Variants in LYAR observed in about 807,000 individuals in gnomAD.
LYAR encodes the protein cell growth-regulating nucleolar protein.
A neutral mutation model predicts 45.2 loss-of-function variants in LYAR; 37 were observed. The ratio of observed to expected loss-of-function variants is 0.82; its 90% CI spans 0.63 to 1.08. The LOEUF is 1.08. Among genes scored for constraint, LYAR ranks in the 50% least tolerant of loss-of-function variants. LYAR has a pLI of 0.00. For missense variants in LYAR, 493 were observed against 451.0 expected (o/e 1.09, Z -0.84); for synonymous variants, 176 against 155.1 (o/e 1.14, Z -1.00).
chr4:4,283,451 G>A (rs1338432509), intron 3 of LYAR, among the ~76,000 whole-genome samples, 170 bp downstream of exon 3: 6 of 152,230 alleles, frequency 3.9e-5, no homozygotes, highest in East Asian at 1.9e-4. Context: ...GCCCGGCCTA[G>A]TAAAGCACAT....
rs1257695451 is a variant in LYAR, at chr4:4,267,862, G to A, written c.*27C>T. On this transcript the variant is annotated 3_prime_UTR_variant, in exon 10 of 10. Transcript: ENST00000343470. ...AGTGAAAGGAAGAAGTCAGCAGAAT[G>A]GATTCAATTTTTAAATACACAAATG... The A allele has an allele frequency of 6.3e-7, 1 of 1,581,434 alleles. No individual in the cohort carries two copies. The highest frequency in any genetic ancestry group is 8.6e-7 in the Non-Finnish European group (1 of 1,163,580).
intron 1 of LYAR, among the ~76,000 whole-genome samples, chr4:4,288,278 C>T (rs1202801434): frequency 6.6e-6 from 1 of 152,096 alleles, no homozygotes; most frequent in African/African-American, 2.4e-5. Flanking sequence ...CCAGCCCCCT[C>T]CTAAACCCAT....
intron 7 of LYAR, 119 bp downstream of exon 7, chr4:4,274,245 CAAA>C (rs200119744): frequency 1.1e-5 from 11 of 1,001,782 alleles, no homozygotes; most frequent in Admixed American, 2.7e-5. Context: ...TCAAAAAAAA[CAAA>C]AAAAAAAAAA....
At chr4:4,283,278 G>T (rs1371676320) in intron 3 of LYAR, among the ~76,000 whole-genome samples, 1 of 152,150 alleles carries the variant, frequency 6.6e-6, no homozygotes, top group Non-Finnish European at 1.5e-5. Flanking sequence ...AGCCTCCCGA[G>T]TAGCTGGGAT....
At chr4:4,273,498 C>G in intron 8 of LYAR, 85 bp downstream of exon 8, 3 of 940,568 alleles carry the variant, frequency 3.2e-6, no homozygotes, top group Non-Finnish European at 5.1e-6. Flanking sequence ...AAGTGACCCT[C>G]CTGCCCCTGC....
rs1346101362 is a variant in LYAR, at chr4:4,269,503, G to A, written c.920-888C>T. Among the ~76,000 whole-genome samples, 5 of 152,242 alleles carry A rather than the reference G, an allele frequency of 3.3e-5. No individual in the cohort carries two copies. In the South Asian group the frequency reaches 8.3e-4, roughly 25 times the overall value. On this transcript the variant is annotated intron_variant, in intron 8 of 9. Transcript: ENST00000343470. The stretch of plus-strand genomic sequence containing the variant: ...TTCAGGGGTCTCATCCACACAGGCC[G>A]GTCATGAGGCTGCCCCTGCTGTGAT...
At chr4:4,272,036 T>A (rs906881302) in intron 8 of LYAR, among the ~76,000 whole-genome samples, 1 of 149,674 alleles carries the variant, frequency 6.7e-6, no homozygotes, top group East Asian at 2.0e-4. Context: ...ATTCCAGAAA[T>A]GAAGAACAGA....
intron 3 of LYAR, 57 bp from the exon 4 acceptor site, chr4:4,281,954 T>C (rs997199734): frequency 1.2e-5 from 12 of 1,037,658 alleles, no homozygotes; most frequent in Non-Finnish European, 1.7e-5. Context: ...GAGGCGCTAA[T>C]ACCAGCATGC....
intron 6 of LYAR, among the ~76,000 whole-genome samples, chr4:4,275,547 C>A (rs1719144072): frequency 6.6e-6 from 1 of 150,706 alleles, no homozygotes; most frequent in African/African-American, 2.4e-5. Context: ...CAGACTCAGG[C>A]AACACGCCTG....
intron 6 of LYAR, 140 bp from the exon 7 acceptor site, chr4:4,274,909 C>T (rs1259170003): frequency 1.4e-6 from 1 of 734,564 alleles, no homozygotes; most frequent in Non-Finnish European, 2.2e-6. Context: ...TAACTGTGAC[C>T]CCCACCAACA....
intron 6 of LYAR, among the ~76,000 whole-genome samples, chr4:4,276,200 C>T (rs941946093): frequency 1.3e-5 from 2 of 152,092 alleles, no homozygotes; most frequent in African/African-American, 4.8e-5. Flanking sequence ...TGAGAAACCA[C>T]TGAGCTGATG....
At chr4:4,283,050 A>C (rs1426580663) in intron 3 of LYAR, among the ~76,000 whole-genome samples, 1 of 152,218 alleles carries the variant, frequency 6.6e-6, no homozygotes, top group Non-Finnish European at 1.5e-5. Context: ...ATGCAATAGC[A>C]ACCAGTGTCA....
chr4:4,268,085 G>A, intron 9 of LYAR, 62 bp from the exon 10 acceptor site: 2 of 1,386,014 alleles, frequency 1.4e-6, no homozygotes, highest in Non-Finnish European at 1.9e-6. Context: ...AAAATGTTCT[G>A]TCTTTAACCC....
chr4:4,279,241 G>A (rs1168590366), intron 6 of LYAR, among the ~76,000 whole-genome samples: 14 of 152,070 alleles, frequency 9.2e-5, no homozygotes, highest in East Asian at 3.8e-4. Flanking sequence ...GCTGAGACAC[G>A]AGAATTGCTT....
chr4:4,273,576 G>A lies in LYAR; in HGVS notation c.919+7C>T. The A allele has an allele frequency of 6.2e-7, 1 of 1,607,306 alleles. No homozygotes were observed. The highest frequency in any genetic ancestry group is 8.5e-7 in the Non-Finnish European group (1 of 1,174,196). On this transcript the variant is annotated splice_region_variant and intron_variant, in intron 8 of 9. Transcript: ENST00000343470. Reference sequence around the variant, plus strand: ...GCCGTGCTCCTCAAATGACAGCAGTGATATACCTTTTGCAGGAGCCTCATC... The same window carrying A: ...GCCGTGCTCCTCAAATGACAGCAGTAATATACCTTTTGCAGGAGCCTCATC...
At chr4:4,280,320 T>G (rs1438168542) in intron 4 of LYAR, among the ~76,000 whole-genome samples, 1 of 152,126 alleles carries the variant, frequency 6.6e-6, no homozygotes, top group African/African-American at 2.4e-5. Context: ...AGACTTAAAG[T>G]TGTTAAGATG....
intron 8 of LYAR, among the ~76,000 whole-genome samples, chr4:4,272,517 T>C (rs1718976388): frequency 6.6e-6 from 1 of 152,256 alleles, no homozygotes; most frequent in South Asian, 2.1e-4. Context: ...TAACTAATAA[T>C]AAAATAGAAC....
chr4:4,282,317 G>C (rs1350908538), intron 3 of LYAR, among the ~76,000 whole-genome samples: 3 of 152,158 alleles, frequency 2.0e-5, no homozygotes, highest in Non-Finnish European at 2.9e-5. Flanking sequence ...ATGGCAGCAT[G>C]AGGTTACCAA....
intron 4 of LYAR, among the ~76,000 whole-genome samples, 179 bp downstream of exon 4, chr4:4,281,604 C>A (rs1474362483): frequency 6.6e-6 from 1 of 152,236 alleles, no homozygotes; most frequent in East Asian, 1.9e-4. Context: ...CAGGCGTGAG[C>A]CACCATGCCC....
Sources: gnomAD v4.1 joint callset for allele counts (sites outside exome capture counted in the v4.1 genomes callset) on GRCh38, gnomAD v4.1.1 for gene constraint, MANE v1.5 for transcripts, NCBI Gene and HGNC (gene_info 2026-07-23, HGNC 2026-07-21) for gene names.